The following SGCZ variants were observed in gnomAD, a reference collection of about 807,000 sequenced individuals.
SGCZ encodes the protein sarcoglycan zeta, also known as zeta-sarcoglycan.
In SGCZ, 40 loss-of-function variants were observed where a neutral mutation model predicts 41.3. The observed-to-expected ratio is 0.97, with a 90% confidence interval of 0.75 to 1.26. The LOEUF is 1.26. Ranked by LOEUF, SGCZ falls within the 50% of genes most tolerant of loss-of-function variation. SGCZ has a pLI of 0.00. For synonymous variants in SGCZ, 206 were observed against 137.5 expected (o/e 1.50, Z -3.49); for missense variants, 552 against 369.8 (o/e 1.49, Z -4.04).
intron 1 of SGCZ, among the ~76,000 whole-genome samples, chr8:14,674,977 C>G (rs61417200): frequency 9.0e-6 from 1 of 111,612 alleles, no homozygotes; most frequent in Non-Finnish European, 1.7e-5. Flanking sequence ...CTCCCTCTGT[C>G]GTCCAGGCTG....
intron 1 of SGCZ, among the ~76,000 whole-genome samples, chr8:15,116,612 A>C (rs1055165943): frequency 2.0e-5 from 3 of 152,236 alleles, no homozygotes; most frequent in African/African-American, 7.2e-5. Flanking sequence ...CAGAAAGGGC[A>C]AAGGGTATAT....
chr8:14,311,272 A>C (rs73207796), intron 3 of SGCZ, among the ~76,000 whole-genome samples: 1 of 152,060 alleles, frequency 6.6e-6, no homozygotes, highest in Non-Finnish European at 1.5e-5. Context: ...TGACTTCTAA[A>C]GAAGAGTAAC....
At chr8:15,120,695 C>T (rs924814476) in intron 1 of SGCZ, among the ~76,000 whole-genome samples, 3 of 152,108 alleles carry the variant, frequency 2.0e-5, no homozygotes, top group Admixed American at 6.5e-5. Flanking sequence ...CAGCCCATCG[C>T]CCCTGCTTTT....
At chr8:14,260,265 C>G (rs897357449) in intron 3 of SGCZ, among the ~76,000 whole-genome samples, 1 of 151,840 alleles carries the variant, frequency 6.6e-6, no homozygotes, top group Non-Finnish European at 1.5e-5. Flanking sequence ...AAACAAACAA[C>G]CCCATCAAAA....
intron 2 of SGCZ, among the ~76,000 whole-genome samples, chr8:14,458,901 C>T (rs1429244349): frequency 6.6e-6 from 1 of 151,974 alleles, no homozygotes; most frequent in Non-Finnish European, 1.5e-5. Flanking sequence ...CTGATCGAGA[C>T]CTAGGGTTAG....
intron 1 of SGCZ, among the ~76,000 whole-genome samples, chr8:14,590,334 T>G (rs1178556934): frequency 6.6e-6 from 1 of 151,918 alleles, no homozygotes; most frequent in African/African-American, 2.4e-5. Flanking sequence ...GACAGAGCAA[T>G]TGTTAATATT....
intron 1 of SGCZ, among the ~76,000 whole-genome samples, chr8:15,217,210 G>T (rs1343416019): frequency 6.6e-6 from 1 of 151,940 alleles, no homozygotes; most frequent in South Asian, 2.1e-4. Flanking sequence ...GAGGTCAGGA[G>T]ATCGAGACCA....
chr8:14,452,476 C>A (rs918611266), intron 2 of SGCZ, among the ~76,000 whole-genome samples: 2 of 150,950 alleles, frequency 1.3e-5, no homozygotes, highest in African/African-American at 4.9e-5. Context: ...GAGCAAGACT[C>A]GATCTCAAAA....
chr8:14,124,181 A>T (rs1802782907), intron 5 of SGCZ, among the ~76,000 whole-genome samples: 2 of 151,662 alleles, frequency 1.3e-5, no homozygotes, highest in African/African-American at 4.8e-5. Flanking sequence ...TAGTAATTAT[A>T]ACAGCAGCAC....
In SGCZ at chr8:14,819,093, C is replaced by T. The variant is rs569745796; in HGVS notation, c.40-264167G>A. On this transcript the variant is annotated intron_variant, in intron 1 of 7. Transcript: ENST00000382080. ...CAACCCAAAAGAACCTTCCAAGGCACATTATAATCAAACTCTCAAAAGTAA... is the reference window on the plus strand; with the variant it reads ...CAACCCAAAAGAACCTTCCAAGGCATATTATAATCAAACTCTCAAAAGTAA... Among the ~76,000 whole-genome samples, 3 of 148,236 alleles carry T rather than the reference C, an allele frequency of 2.0e-5. No individual in the cohort carries two copies. The South Asian group carries it at 6.4e-4, about 32-fold the overall frequency.
intron 1 of SGCZ, among the ~76,000 whole-genome samples, chr8:15,006,590 TC>T (rs1394412159): frequency 2.0e-5 from 3 of 151,984 alleles, no homozygotes. Context: ...TGCTCAAAAG[TC>T]CCCCAAAATG....
chr8:15,202,371 C>T (rs2117137006), intron 1 of SGCZ, among the ~76,000 whole-genome samples: 1 of 152,222 alleles, frequency 6.6e-6, no homozygotes, highest in Admixed American at 6.5e-5. Flanking sequence ...AATTGAGAGA[C>T]CATTATTTTA....
At chr8:14,285,310 C>G (rs1800585085) in intron 3 of SGCZ, among the ~76,000 whole-genome samples, 1 of 152,072 alleles carries the variant, frequency 6.6e-6, no homozygotes, top group Non-Finnish European at 1.5e-5. Flanking sequence ...AAGGGAGGAG[C>G]AACCTGTTTG....
At chr8:14,686,509 A>G (rs1170437800) in intron 1 of SGCZ, among the ~76,000 whole-genome samples, 1 of 152,132 alleles carries the variant, frequency 6.6e-6, no homozygotes, top group Non-Finnish European at 1.5e-5. Context: ...GAATTGATAA[A>G]TTGGTCACTA....
intron 2 of SGCZ, among the ~76,000 whole-genome samples, chr8:14,356,121 T>A (rs1375660431): frequency 6.6e-6 from 1 of 152,200 alleles, no homozygotes; most frequent in Non-Finnish European, 1.5e-5. Flanking sequence ...CAAGCAATGC[T>A]GTACTGTATT....
intron 1 of SGCZ, among the ~76,000 whole-genome samples, chr8:15,214,127 A>C (rs1358934108): frequency 6.6e-6 from 1 of 152,050 alleles, no homozygotes; most frequent in Non-Finnish European, 1.5e-5. Context: ...CCATGTGAAA[A>C]AAAACATCAA....
chr8:14,287,214 T>A (rs899712436), intron 3 of SGCZ, among the ~76,000 whole-genome samples: 4 of 151,356 alleles, frequency 2.6e-5, no homozygotes, highest in Non-Finnish European at 4.4e-5. Flanking sequence ...TATATATATA[T>A]AATTTAATTT....
intron 2 of SGCZ, among the ~76,000 whole-genome samples, chr8:14,485,776 A>G (rs1250647637): frequency 6.6e-6 from 1 of 151,408 alleles, no homozygotes; most frequent in Non-Finnish European, 1.5e-5. Flanking sequence ...TTTCCTTTCT[A>G]TGACAGCAGG....
At chr8:14,949,214 G>A (rs1450816759) in intron 1 of SGCZ, among the ~76,000 whole-genome samples, 1 of 152,070 alleles carries the variant, frequency 6.6e-6, no homozygotes, top group Non-Finnish European at 1.5e-5. Context: ...TTTAAACTAC[G>A]AGATGGTAGT....
Sources: allele counts gnomAD v4.1 joint callset (sites outside exome capture counted in the v4.1 genomes callset), GRCh38; gene constraint gnomAD v4.1.1; transcripts MANE v1.5; gene names NCBI Gene and HGNC (gene_info 2026-07-23, HGNC 2026-07-21).